The following ZNF844 variants were observed in gnomAD, a reference collection of about 807,000 sequenced individuals.
ZNF844 encodes the protein zinc finger protein 844.
In ZNF844, 11 loss-of-function variants were observed where a neutral mutation model predicts 11.4. That is an observed-to-expected ratio of 0.97 (90% CI 0.61 to 1.60). The LOEUF (loss-of-function observed/expected upper bound fraction) is 1.60. Among genes scored for constraint, ZNF844 ranks in the 40% most tolerant of loss-of-function variants. The pLI is 0.00. For missense variants in ZNF844, 790 were observed against 796.8 expected, an observed-to-expected ratio of 0.99 and a Z score of 0.10; for synonymous variants, 248 against 260.3, an observed-to-expected ratio of 0.95 and a Z score of 0.46.
At chr19:12,071,458 A>AT (rs369001057) in intron 1 of ZNF844, among the ~76,000 whole-genome samples, 25 of 152,372 alleles carry the variant, frequency 1.6e-4, no homozygotes, top group African/African-American at 6.0e-4. Context: ...GTAAAATTCA[A>AT]TGAATGCTGG....
chr19:12,072,958 T>C (rs868690683), intron 1 of ZNF844, among the ~76,000 whole-genome samples: 4 of 152,216 alleles, frequency 2.6e-5, no homozygotes, highest in Non-Finnish European at 5.9e-5. Flanking sequence ...TTTCCAGATA[T>C]ATGACTTTCC....
At chr19:12,067,701 G>T (rs1975705261) in intron 1 of ZNF844, among the ~76,000 whole-genome samples, 1 of 150,748 alleles carries the variant, frequency 6.6e-6, no homozygotes, top group Non-Finnish European at 1.5e-5. Flanking sequence ...TGGATCACGA[G>T]GTCAGGAGAT....
At chr19:12,068,808 G>C (rs1323198121) in intron 1 of ZNF844, among the ~76,000 whole-genome samples, 5 of 152,158 alleles carry the variant, frequency 3.3e-5, no homozygotes, top group Non-Finnish European at 7.3e-5. Flanking sequence ...ACCTGAGTTT[G>C]AGGGATTTTG....
chr19:12,066,149 C>T (rs1011717817), intron 1 of ZNF844, among the ~76,000 whole-genome samples: 6 of 152,008 alleles, frequency 3.9e-5, no homozygotes, highest in Non-Finnish European at 7.4e-5. Context: ...TGGTCTTGAA[C>T]TCCTGGGCTC....
At chr19:12,069,080 C>G (rs1332798724) in intron 1 of ZNF844, among the ~76,000 whole-genome samples, 4 of 151,934 alleles carry the variant, frequency 2.6e-5, no homozygotes, top group Admixed American at 6.6e-5. Context: ...TCAGCGATGC[C>G]TTTCTGAGGC....
intron 3 of ZNF844, among the ~76,000 whole-genome samples, chr19:12,074,800 C>A (rs972366688): frequency 6.6e-6 from 1 of 152,114 alleles, no homozygotes; most frequent in African/African-American, 2.4e-5. Flanking sequence ...TGCTGTGAAC[C>A]ATGATGATGC....
chr19:12,065,878 G>A (rs536021852), intron 1 of ZNF844, among the ~76,000 whole-genome samples: 6 of 151,764 alleles, frequency 4.0e-5, no homozygotes, highest in Non-Finnish European at 7.4e-5. Context: ...CAGGTGATCC[G>A]CCCGCATCGG....
chr19:12,066,736 C>T (rs1256186993), intron 1 of ZNF844, among the ~76,000 whole-genome samples: 2 of 151,112 alleles, frequency 1.3e-5, no homozygotes, highest in African/African-American at 4.9e-5. Context: ...TTAGTAGAGA[C>T]GGGGTTTCAA....
At position 12,074,510 on chromosome 19, in the gene ZNF844, T is replaced by G. The variant is rs567192879; in HGVS notation, c.191+89T>G. 616 of 912,516 alleles carry G rather than the reference T, an allele frequency of 6.8e-4. 10 individuals carry two copies. Among genetic ancestry groups the G allele is most frequent in the South Asian group, 6.5e-3 (417 of 63,670 alleles). 56.5% of individuals were successfully genotyped at this position (912,516 alleles called of 1,614,324 possible). The stretch of plus-strand genomic sequence containing the variant: ...TAAGAAGAAGCAAATAAAGGAAATA[T>G]GCCTAGCATTAAATTTATTTACTCT... On this transcript the variant is annotated intron_variant, in intron 3 of 3. Transcript: ENST00000439326.
intron 1 of ZNF844, among the ~76,000 whole-genome samples, chr19:12,067,939 A>AGAAG (rs1481181619): frequency 0.082 from 8,058 of 97,792 alleles, 757 homozygotes; most frequent in African/African-American, 0.24. Context: ...AAAGAAAGAA[A>AGAAG]GAAAGAAGGA....
chr19:12,066,798 G>A (rs1352476579), intron 1 of ZNF844, among the ~76,000 whole-genome samples: 2 of 151,634 alleles, frequency 1.3e-5, no homozygotes, highest in African/African-American at 2.4e-5. Flanking sequence ...CGCCCACCTC[G>A]GCCTCCCAAA....
intron 1 of ZNF844, among the ~76,000 whole-genome samples, chr19:12,069,477 G>A (rs913953701): frequency 1.9e-4 from 29 of 151,316 alleles, no homozygotes; most frequent in Admixed American, 1.3e-3. Flanking sequence ...GAGCCATCGC[G>A]CCCAGCCAGG....
At chr19:12,067,172 C>T (rs1342968984) in intron 1 of ZNF844, among the ~76,000 whole-genome samples, 1 of 151,648 alleles carries the variant, frequency 6.6e-6, no homozygotes, top group African/African-American at 2.4e-5. Context: ...TGCACTCCAG[C>T]TTGGGCTACA....
intron 1 of ZNF844, among the ~76,000 whole-genome samples, chr19:12,072,508 G>T (rs539060472): frequency 6.6e-6 from 1 of 151,518 alleles, no homozygotes; most frequent in Non-Finnish European, 1.5e-5. Flanking sequence ...GCAATCCTTT[G>T]GTCAGAGCAC....
intron 2 of ZNF844, 42 bp downstream of exon 2, chr19:12,074,199 T>C: frequency 1.2e-6 from 2 of 1,609,244 alleles, no homozygotes; most frequent in Middle Eastern, 1.7e-4. Flanking sequence ...ATGAGACAAG[T>C]GTTTCTAGCT....
In ZNF844 at chr19:12,078,924, A is replaced by G. The variant is rs1975861938; in HGVS notation, c.*1803A>G. On this transcript the variant is annotated 3_prime_UTR_variant, in exon 4 of 4. Transcript: ENST00000439326. ...GAGAACAGTGGTTCCATCTCTGTTC[A>G]CTGCCACCTCCACCTCCTGGGTTCA... 1 of 152,060 alleles carries G rather than the reference A, an allele frequency of 6.6e-6. No homozygotes were observed. The highest frequency in any genetic ancestry group is 1.5e-5 in the Non-Finnish European group (1 of 68,032). 9.4% of individuals were successfully genotyped at this position (152,060 alleles called of 1,614,324 possible).
At chr19:12,064,945 C>T in intron 1 of ZNF844, 69 bp downstream of exon 1, 4 of 1,518,730 alleles carry the variant, frequency 2.6e-6, no homozygotes, top group Non-Finnish European at 2.7e-6. Context: ...TTGGAACTGG[C>T]TGGAACCGGC....
At position 12,075,449 on chromosome 19, in the gene ZNF844, A is replaced by T; in HGVS notation, c.329A>T (p.Glu110Val). 6.2e-7 allele frequency: 1 copy of T among 1,612,796 alleles called. No homozygotes were observed. The highest frequency in any genetic ancestry group is 8.5e-7 in the Non-Finnish European group (1 of 1,179,566). The change falls in exon 4 of 4, where the codon GAA (glutamate) becomes GTA (valine). Residue 110 changes from glutamate to valine, a missense_variant. Coordinates refer to ENST00000439326, the MANE Select transcript of ZNF844 (RefSeq NM_001136501.3). ...TCATGTGAAAGCAGTGTGTGTGGAG[A>T]AGTCTTCGTGGGTCATTCTTCCCTT... ...VKSCESSVCGEVFVGHSSLNR... is the reference protein window; with the variant it reads ...VKSCESSVCGVVFVGHSSLNR...
chr19:12,073,615 G>A (rs977478546), intron 1 of ZNF844, among the ~76,000 whole-genome samples: 19 of 151,742 alleles, frequency 1.3e-4, no homozygotes, highest in African/African-American at 4.4e-4. Context: ...CCCCTTCCAG[G>A]TAATCTTCAA....
Sources: gnomAD v4.1 joint callset for allele counts (sites outside exome capture counted in the v4.1 genomes callset) on GRCh38, gnomAD v4.1.1 for gene constraint, MANE v1.5 for transcripts, NCBI Gene and HGNC (gene_info 2026-07-23, HGNC 2026-07-21) for gene names.